The following GFOD2 variants were observed in gnomAD, a reference collection of about 807,000 sequenced individuals.
The protein encoded by GFOD2 is Gfo/Idh/MocA-like oxidoreductase domain containing 2.
A neutral mutation model predicts 24.6 loss-of-function variants in GFOD2; 9 were observed. That is an observed-to-expected ratio of 0.37 (90% CI 0.22 to 0.64). The LOEUF is 0.64. GFOD2 is among the 30% of genes least tolerant of loss of function. The pLI is 0.65. For missense variants in GFOD2, 476 were observed against 532.5 expected (o/e 0.89, Z 1.04); for synonymous variants, 211 against 224.8 (o/e 0.94, Z 0.55).
chr16:67,679,225 CT>C (rs1297973969), intron 2 of GFOD2, among the ~76,000 whole-genome samples: 22 of 146,884 alleles, frequency 1.5e-4, no homozygotes, highest in East Asian at 7.9e-4. Context: ...TAAATAATTT[CT>C]TTTTTTTTTC....
chr16:67,682,440 A>G (rs897112073), intron 2 of GFOD2: 5 of 985,178 alleles, frequency 5.1e-6, no homozygotes, highest in Non-Finnish European at 6.0e-6. Context: ...TGTGGCAAAG[A>G]TGCTAGGGGC....
chr16:67,684,234 G>C (rs769103342), intron 2 of GFOD2: 2 of 152,092 alleles, frequency 1.3e-5, no homozygotes, highest in Admixed American at 1.3e-4. Flanking sequence ...TTAGCTGGGC[G>C]TGGTGGCACA....
At chr16:67,680,938 G>C (rs2053220717) in intron 2 of GFOD2, 1 of 985,410 alleles carries the variant, frequency 1.0e-6, no homozygotes, top group Non-Finnish European at 1.2e-6. Context: ...GGACAATAAA[G>C]AACAGCCAGC....
rs764061789 is a variant in GFOD2, at chr16:67,685,765, G to C, written c.-50C>G. The stretch of plus-strand genomic sequence containing the variant: ...ATCTCCTCACAAGAGCCTCTGGCAT[G>C]GATATGATCTTCCAAACGTCCTGGT... On this transcript the variant is annotated 5_prime_UTR_variant, in exon 2 of 3. Coordinates refer to ENST00000268797, the MANE Select transcript of GFOD2 (RefSeq NM_030819.4). 2 of 1,569,290 alleles carry C rather than the reference G, an allele frequency of 1.3e-6. No individual in the cohort carries two copies. The highest frequency in any genetic ancestry group is 4.5e-5 in the East Asian group (2 of 44,488).
At chr16:67,683,021 C>T in intron 2 of GFOD2, 1 of 277,598 alleles carries the variant, frequency 3.6e-6, no homozygotes, top group Non-Finnish European at 5.5e-6. Context: ...AGCTGGAGTG[C>T]ATGATCACTG....
At chr16:67,681,866 A>C in intron 2 of GFOD2, 1 of 985,208 alleles carries the variant, frequency 1.0e-6, no homozygotes, top group Non-Finnish European at 1.2e-6. Flanking sequence ...TCCTGCCAGG[A>C]AGTCAAGGGA....
chr16:67,675,576 G>A lies in GFOD2; in HGVS notation c.737C>T (p.Ala246Val), dbSNP rs778060035. The change falls in exon 3 of 3, where the codon GCC becomes GTC. Residue 246 changes from alanine to valine, a missense_variant. Ala to Val is a moderately conservative substitution (Grantham distance 64). Transcript: ENST00000268797. ...TACCACCATGACTTCATGCACAAAG[G>A]CGCCTGGCATGTTGAAGTTGAGTGT... The part of the protein sequence containing the change: ...TVTLNFNMPG[A>V]FVHEVMVVGS... 2.5e-6 allele frequency: 4 copies of A among 1,613,482 alleles called. No homozygotes were observed. In the South Asian group the frequency reaches 4.4e-5, roughly 18 times the overall value.
Position 67,719,284 on chromosome 16 carries a change from G to GCGCC in GFOD2, c.-213_-210dup, listed in dbSNP as rs1255582974. On this transcript the variant is annotated 5_prime_UTR_variant, in exon 1 of 3. Coordinates refer to ENST00000268797, the MANE Select transcript of GFOD2 (RefSeq NM_030819.4). Reference sequence around the variant, plus strand: ...GGATGCGCGGGCCCGGGAGTCCAGGGCGCCGCCACCGGGAACGCGCCGCCT... The same window carrying GCGCC: ...GGATGCGCGGGCCCGGGAGTCCAGGGCGCCCGCCGCCACCGGGAACGCGCCGCCT... 4 of 152,382 alleles carry GCGCC rather than the reference G, an allele frequency of 2.6e-5. No homozygotes were observed. The highest frequency in any genetic ancestry group is 6.5e-5 in the Admixed American group (1 of 15,304). 9.4% of individuals were successfully genotyped at this position (152,382 alleles called of 1,614,324 possible).
intron 1 of GFOD2, among the ~76,000 whole-genome samples, chr16:67,710,112 T>A (rs983853588): frequency 6.6e-6 from 1 of 151,322 alleles, no homozygotes. Context: ...ACCCAGCTAA[T>A]TTTTTTTGTA....
At chr16:67,693,963 C>G (rs535012126) in intron 1 of GFOD2, among the ~76,000 whole-genome samples, 1 of 151,948 alleles carries the variant, frequency 6.6e-6, no homozygotes, top group Admixed American at 6.6e-5. Context: ...AAAAACCAAC[C>G]CCCATAATCC....
At chr16:67,678,502 A>T (rs2053200875) in intron 2 of GFOD2, among the ~76,000 whole-genome samples, 1 of 151,676 alleles carries the variant, frequency 6.6e-6, no homozygotes, top group Non-Finnish European at 1.5e-5. Flanking sequence ...AAAGAAAAAG[A>T]AAAAGAAATG....
At chr16:67,703,359 C>T (rs150704442) in intron 1 of GFOD2, among the ~76,000 whole-genome samples, 1,755 of 152,148 alleles carry the variant, frequency 0.012, 28 homozygotes, top group African/African-American at 0.035. Context: ...GCCGAGATAG[C>T]GCCTTTGCAC....
intron 1 of GFOD2, among the ~76,000 whole-genome samples, chr16:67,715,249 G>A (rs930948032): frequency 6.6e-6 from 1 of 152,084 alleles, no homozygotes; most frequent in African/African-American, 2.4e-5. Context: ...TAGTACAGAC[G>A]GGGTTTCACT....
intron 1 of GFOD2, among the ~76,000 whole-genome samples, chr16:67,692,035 T>C (rs1324896401): frequency 6.6e-6 from 1 of 152,088 alleles, no homozygotes; most frequent in Non-Finnish European, 1.5e-5. Flanking sequence ...TGTATGTGTG[T>C]TCCCAAAGAA....
chr16:67,685,556 T>A lies in GFOD2; in HGVS notation c.160A>T (p.Thr54Ser), dbSNP rs950274400. 1.2e-5 allele frequency: 20 copies of A among 1,614,154 alleles called. No individual in the cohort carries two copies. Among genetic ancestry groups the A allele is most frequent in the Non-Finnish European group, 1.7e-5 (20 of 1,180,022 alleles). ...AGCAAGATGTCATCAGTCCGGCTGG[T>A]GTAGAAGGCGATGTTCATCTCCTCA... Reference protein sequence around the residue: ...LAEEMNIAFYTSRTDDILLHQ... With the variant: ...LAEEMNIAFYSSRTDDILLHQ... Residue 54 changes from threonine (T) to serine (S), a missense_variant, in exon 2 of 3, where the codon ACC becomes TCC. Transcript: ENST00000268797.
chr16:67,683,295 G>A (rs1290256252), intron 2 of GFOD2: 1 of 1,191,934 alleles, frequency 8.4e-7, no homozygotes, highest in Admixed American at 4.5e-5. Flanking sequence ...TTCCCGTATA[G>A]CTTGGAAATG....
At chr16:67,701,028 C>T (rs767531745) in intron 1 of GFOD2, among the ~76,000 whole-genome samples, 50 of 141,530 alleles carry the variant, frequency 3.5e-4, no homozygotes, top group Admixed American at 5.7e-4. Flanking sequence ...CAGAGTGAGA[C>T]TCTGTCTCAA....
chr16:67,712,344 T>G (rs1234048362), intron 1 of GFOD2, among the ~76,000 whole-genome samples: 10 of 118,138 alleles, frequency 8.5e-5, no homozygotes, highest in Non-Finnish European at 1.5e-4. Flanking sequence ...GAGCCAAGGC[T>G]GGACGGTACT....
intron 2 of GFOD2, chr16:67,681,777 T>G: frequency 1.0e-6 from 1 of 985,310 alleles, no homozygotes; most frequent in Non-Finnish European, 1.2e-6. Flanking sequence ...CATCTTGACT[T>G]AAACAGGCTC....
Sources: gnomAD v4.1 joint callset for allele counts (sites outside exome capture counted in the v4.1 genomes callset) on GRCh38, gnomAD v4.1.1 for gene constraint, MANE v1.5 for transcripts, NCBI Gene and HGNC (gene_info 2026-07-23, HGNC 2026-07-21) for gene names.